Variants in RPS6KA5 observed in about 807,000 individuals in gnomAD.
The protein encoded by RPS6KA5 is ribosomal protein S6 kinase A5.
Under a neutral mutation model 85.5 loss-of-function variants are expected in RPS6KA5, and 27 were observed. The ratio of observed to expected loss-of-function variants is 0.32; its 90% CI spans 0.23 to 0.44. The LOEUF (loss-of-function observed/expected upper bound fraction) is 0.44. RPS6KA5 is among the 20% of genes least tolerant of loss of function. The pLI, the probability that RPS6KA5 is intolerant of heterozygous loss-of-function variation, is 1.00. For synonymous variants in RPS6KA5, 334 were observed against 348.2 expected, an observed-to-expected ratio of 0.96 and a Z score of 0.46; for missense variants, 811 against 980.9, an observed-to-expected ratio of 0.83 and a Z score of 2.31.
At chr14:90,886,631 C>A (rs769519480) in intron 14 of RPS6KA5, among the ~76,000 whole-genome samples, 1 of 152,174 alleles carries the variant, frequency 6.6e-6, no homozygotes, top group Non-Finnish European at 1.5e-5. Context: ...CATCTGTAAT[C>A]CAAAGAGAGG....
intron 2 of RPS6KA5, among the ~76,000 whole-genome samples, chr14:90,985,329 C>G (rs917006341): frequency 1.3e-5 from 2 of 152,158 alleles, no homozygotes; most frequent in Non-Finnish European, 2.9e-5. Flanking sequence ...TAAAATGTAA[C>G]ATAATTAAAT....
At chr14:90,947,209 C>G (rs1299212996) in intron 4 of RPS6KA5, among the ~76,000 whole-genome samples, 1 of 152,106 alleles carries the variant, frequency 6.6e-6, no homozygotes, top group Non-Finnish European at 1.5e-5. Context: ...AGGATAAAAG[C>G]CAAAACCTGC....
At chr14:90,984,545 G>A (rs1421590752) in intron 2 of RPS6KA5, among the ~76,000 whole-genome samples, 1 of 152,234 alleles carries the variant, frequency 6.6e-6, no homozygotes, top group Non-Finnish European at 1.5e-5. Context: ...TCTACCTGAT[G>A]TAGACAGCAA....
intron 1 of RPS6KA5, among the ~76,000 whole-genome samples, chr14:91,019,497 T>C (rs1048777116): frequency 1.3e-5 from 2 of 152,192 alleles, no homozygotes; most frequent in Non-Finnish European, 2.9e-5. Flanking sequence ...CCACTAACTT[T>C]CCTGGGTCTC....
intron 4 of RPS6KA5, among the ~76,000 whole-genome samples, chr14:90,945,101 A>T (rs1163181341): frequency 6.6e-6 from 1 of 151,804 alleles, no homozygotes; most frequent in Non-Finnish European, 1.5e-5. Flanking sequence ...AAAATACAAA[A>T]ATTAGCCAGG....
intron 1 of RPS6KA5, among the ~76,000 whole-genome samples, chr14:91,042,338 T>C (rs2042636146): frequency 6.6e-6 from 1 of 152,022 alleles, no homozygotes; most frequent in Non-Finnish European, 1.5e-5. Flanking sequence ...TGAAACCTCT[T>C]TTCTACTAAA....
Position 90,855,135 on chromosome 14 carries a change from TAC to T in RPS6KA5, c.*16937_*16938del, listed in dbSNP as rs2032207356. 6.6e-6 allele frequency: 1 copy of T among 152,206 alleles called. No homozygotes were observed. Among genetic ancestry groups the T allele is most frequent in the African/African-American group, 2.4e-5 (1 of 41,458 alleles). The allele number at this position is 152,206 out of a possible 1,614,324, so 9.4% of individuals were successfully genotyped here. On this transcript the variant is annotated 3_prime_UTR_variant, in exon 17 of 17. Coordinates refer to ENST00000614987, the MANE Select transcript of RPS6KA5 (RefSeq NM_004755.4). ...GATAAAACTTTTGCATTCAAATGAA[TAC>T]AGATTATCTAGGATAAAGATATTTC... is the stretch of plus-strand genomic sequence containing the variant.
At chr14:90,915,499 T>C (rs1381658335) in intron 7 of RPS6KA5, among the ~76,000 whole-genome samples, 1 of 152,078 alleles carries the variant, frequency 6.6e-6, no homozygotes, top group Non-Finnish European at 1.5e-5. Flanking sequence ...AGATGTTCTA[T>C]ACAGAAAGGC....
Position 90,927,971 on chromosome 14 carries a change from T to C in RPS6KA5, c.619-4775A>G, listed in dbSNP as rs1178471807. Among the ~76,000 whole-genome samples, 4 of 146,200 alleles carry C rather than the reference T, an allele frequency of 2.7e-5. No homozygotes were observed. In the East Asian group the frequency reaches 8.0e-4, roughly 29 times the overall value. On this transcript the variant is annotated intron_variant, in intron 5 of 16. Coordinates refer to ENST00000614987, the MANE Select transcript of RPS6KA5 (RefSeq NM_004755.4). The stretch of plus-strand genomic sequence containing the variant: ...TTTTTTTTGAGACAAGGTCTCATTC[T>C]GTCATCCAGGCTGGAGTGTAGTGGT...
At chr14:91,000,069 C>T (rs375796695) in intron 2 of RPS6KA5, among the ~76,000 whole-genome samples, 226 of 151,212 alleles carry the variant, frequency 1.5e-3, no homozygotes, top group African/African-American at 4.8e-3. Flanking sequence ...AAGTGCCTCC[C>T]AAAGTGCTGT....
intron 9 of RPS6KA5, among the ~76,000 whole-genome samples, chr14:90,902,019 A>AT (rs939314532): frequency 6.7e-5 from 10 of 149,646 alleles, no homozygotes; most frequent in East Asian, 3.9e-4. Flanking sequence ...TGTTTCTACA[A>AT]TTTTTTTTTA....
intron 3 of RPS6KA5, among the ~76,000 whole-genome samples, chr14:90,976,268 A>G (rs181711683): frequency 1.6e-3 from 245 of 151,664 alleles, no homozygotes; most frequent in African/African-American, 4.8e-3. Flanking sequence ...GTAATGGTGC[A>G]GAGTCCAGGA....
Position 90,900,195 on chromosome 14 carries a change from G to A in RPS6KA5, c.1292C>T (p.Pro431Leu). The stretch of plus-strand genomic sequence containing the variant: ...AATTGAAAAACTACCTTCTCCCAGG[G>A]GTTTGTCCTTCAAATCTAGGTCATA... ...QHYDLDLKDK[P>L]LGEGSFSICR... is the part of the protein sequence containing the mutation. Residue 431 changes from proline (P) to leucine (L), a missense_variant, in exon 11 of 17, where the codon CCC (proline) becomes CTC (leucine). This residue lies in a region of RPS6KA5 where 650 missense variants were observed against 793.4 expected (regional missense o/e 0.82). Transcript: ENST00000614987. 6.2e-7 allele frequency: 1 copy of A among 1,603,958 alleles called. No individual in the cohort carries two copies. Among genetic ancestry groups the A allele is most frequent in the East Asian group, 2.3e-5 (1 of 44,324 alleles).
At chr14:91,023,579 C>A (rs903925571) in intron 1 of RPS6KA5, among the ~76,000 whole-genome samples, 2 of 152,150 alleles carry the variant, frequency 1.3e-5, no homozygotes, top group Non-Finnish European at 2.9e-5. Flanking sequence ...GCCACCGTGC[C>A]CAACCTCAAA....
chr14:90,894,195 C>T, intron 13 of RPS6KA5: 2 of 1,195,920 alleles, frequency 1.7e-6, no homozygotes, highest in Non-Finnish European at 2.1e-6. Flanking sequence ...CAAATATAAC[C>T]TCAAGATGAT....
In RPS6KA5 at chr14:90,852,159, A is replaced by G. The variant is rs2032032990; in HGVS notation, c.*19915T>C. 7.9e-6 allele frequency: 1 copy of G among 126,516 alleles called. No individual in the cohort carries two copies. The highest frequency in any genetic ancestry group is 3.0e-5 in the African/African-American group (1 of 33,336). The allele number at this position is 126,516 out of a possible 1,614,324, so 7.8% of individuals were successfully genotyped here. ...GGCTGGAGTGCAGTGGTGTGGTGCG[A>G]TCTTGGCTCACTGCAAGTTCTGCTT... On this transcript the variant is annotated 3_prime_UTR_variant, in exon 17 of 17. Coordinates refer to ENST00000614987, the MANE Select transcript of RPS6KA5 (RefSeq NM_004755.4).
chr14:90,884,587 C>T (rs1428957816), intron 14 of RPS6KA5, among the ~76,000 whole-genome samples: 1 of 152,182 alleles, frequency 6.6e-6, no homozygotes, highest in Non-Finnish European at 1.5e-5. Context: ...AAGTTGAAAA[C>T]TTTCAATGGA....
chr14:90,965,439 T>TA (rs2039014324), intron 3 of RPS6KA5, among the ~76,000 whole-genome samples: 1 of 152,116 alleles, frequency 6.6e-6, no homozygotes, highest in Admixed American at 6.5e-5. Flanking sequence ...ATTTCCAAGA[T>TA]ACAGAGGATT....
intron 7 of RPS6KA5, among the ~76,000 whole-genome samples, chr14:90,910,184 C>T (rs1483468613): frequency 2.0e-5 from 3 of 152,128 alleles, no homozygotes; most frequent in Non-Finnish European, 4.4e-5. Flanking sequence ...AAGACCTTGC[C>T]TTATATTACA....
Sources: allele counts gnomAD v4.1 joint callset (sites outside exome capture counted in the v4.1 genomes callset), GRCh38; gene constraint gnomAD v4.1.1; regional missense constraint gnomAD v4.1.1; transcripts MANE v1.5; gene names NCBI Gene and HGNC (gene_info 2026-07-23, HGNC 2026-07-21).